The following FAAH2 variants were observed in gnomAD, a reference collection of about 807,000 sequenced individuals.
FAAH2 encodes the protein fatty acid amide hydrolase 2.
FAAH2 carries 60 observed loss-of-function variants against 36.9 expected under a neutral mutation model. The observed-to-expected ratio is 1.63, with a 90% CI of 1.32 to 2.02. The LOEUF (loss-of-function observed/expected upper bound fraction) is 2.02. FAAH2 is among the 30% of genes most tolerant of loss of function. The pLI is 0.00. For missense variants in FAAH2, 689 were observed against 397.5 expected (o/e 1.73, Z -6.23); for synonymous variants, 214 against 143.8 (o/e 1.49, Z -3.49).
chrX:57,448,895 C>T (rs1157306433), intron 10 of FAAH2, among the ~76,000 whole-genome samples, 177 bp downstream of exon 10: 1 of 112,120 alleles, frequency 8.9e-6, no homozygotes, highest in African/African-American at 3.2e-5. Context: ...AGATACTTTG[C>T]CAATATCTGG....
chrX:57,398,926 G>T (rs773131816), intron 7 of FAAH2, among the ~76,000 whole-genome samples: 36 of 111,321 alleles, frequency 3.2e-4, no homozygotes, highest in African/African-American at 1.0e-3. Flanking sequence ...CTGTTGGGGA[G>T]GTTGGCTGAT....
chrX:57,255,342 G>T, the FAAH2 span, among the ~76,000 whole-genome samples: 1 of 111,880 alleles, frequency 8.9e-6, no homozygotes, highest in Admixed American at 9.5e-5. Context: ...AATTCTACCA[G>T]AAGTCCAAAG....
the FAAH2 span, among the ~76,000 whole-genome samples, chrX:57,200,040 C>T: frequency 9.0e-6 from 1 of 111,635 alleles, no homozygotes; most frequent in South Asian, 3.7e-4. Flanking sequence ...GTTATCCCTT[C>T]AGCTAATGTA....
chrX:57,349,132 T>C lies in FAAH2; in HGVS notation c.742+7742T>C, dbSNP rs191677861. ...TATATGTGTATAATATATACACATATATATATTATATACATATATATGTAT... is the reference window on the plus strand; with the variant it reads ...TATATGTGTATAATATATACACATACATATATTATATACATATATATGTAT... On this transcript the variant is annotated intron_variant, in intron 5 of 10. Coordinates refer to ENST00000374900, the MANE Select transcript of FAAH2 (RefSeq NM_174912.4). Among the ~76,000 whole-genome samples the C allele has an allele frequency of 4.0e-3, 359 of 90,312 alleles. 2 individuals carry two copies. Among genetic ancestry groups the C allele is most frequent in the African/African-American group, 0.013 (348 of 26,561 alleles). 78.4% of individuals were successfully genotyped at this position (90,312 alleles called of 115,157 possible).
chrX:57,394,207 A>G (rs1423251660), intron 7 of FAAH2: 3 of 661,317 alleles, frequency 4.5e-6, no homozygotes, highest in Non-Finnish European at 7.6e-6. Context: ...TGGGGCCCTG[A>G]GAAGGCTGTC....
the FAAH2 span, among the ~76,000 whole-genome samples, chrX:57,154,401 C>A: frequency 9.3e-6 from 1 of 106,955 alleles, no homozygotes; most frequent in African/African-American, 3.4e-5. Flanking sequence ...GTAGCTGGGA[C>A]TACAGGCACC....
the FAAH2 span, among the ~76,000 whole-genome samples, chrX:57,173,491 G>A: frequency 8.9e-6 from 1 of 111,890 alleles, no homozygotes; most frequent in Non-Finnish European, 1.9e-5. Flanking sequence ...AGTCTTTAAT[G>A]TCTTCTAGGT....
At chrX:57,434,268 G>A (rs1331511740) in intron 8 of FAAH2, among the ~76,000 whole-genome samples, 2 of 108,302 alleles carry the variant, frequency 1.8e-5, no homozygotes, top group Non-Finnish European at 3.8e-5. Context: ...TAGAGATGGG[G>A]TTTCACCATT....
chrX:57,381,112 A>G (rs2054835500), intron 7 of FAAH2, 83 bp downstream of exon 7: 1 of 685,247 alleles, frequency 1.5e-6, no homozygotes, highest in African/African-American at 2.3e-5. Context: ...TTACTGCCAA[A>G]TATTTCTGTG....
the FAAH2 span, among the ~76,000 whole-genome samples, chrX:57,270,334 T>G: frequency 1.8e-5 from 2 of 111,479 alleles, no homozygotes; most frequent in Admixed American, 1.9e-4. Flanking sequence ...TTTAAAAAAT[T>G]GAGGAGAATG....
intron 10 of FAAH2, among the ~76,000 whole-genome samples, chrX:57,481,216 T>C (rs761460176): frequency 2.8e-4 from 31 of 111,307 alleles, no homozygotes; most frequent in African/African-American, 9.8e-4. Flanking sequence ...AGTTTGTTAT[T>C]ACCTACATAC....
the FAAH2 span, among the ~76,000 whole-genome samples, chrX:57,187,913 G>C: frequency 1.1e-4 from 12 of 111,487 alleles, no homozygotes; most frequent in Non-Finnish European, 1.9e-5. Flanking sequence ...GGATGAAGCC[G>C]ACTTGTTCAT....
chrX:57,361,661 A>G (rs1014416182), intron 5 of FAAH2, among the ~76,000 whole-genome samples: 1 of 111,232 alleles, frequency 9.0e-6, no homozygotes, highest in Non-Finnish European at 1.9e-5. Flanking sequence ...GTGATATTAT[A>G]TATATATTTT....
At chrX:57,249,933 C>A in the FAAH2 span, among the ~76,000 whole-genome samples, 27 of 111,687 alleles carry the variant, frequency 2.4e-4, 1 homozygote, top group Admixed American at 3.8e-4. Flanking sequence ...ATAAATATAA[C>A]CTTGACTGCA....
intron 5 of FAAH2, among the ~76,000 whole-genome samples, chrX:57,374,524 T>C (rs2054623024): frequency 8.9e-6 from 1 of 111,938 alleles, no homozygotes; most frequent in South Asian, 3.7e-4. Flanking sequence ...GTCGCTATTG[T>C]ATAGCAGAGC....
chrX:57,412,108 G>T (rs1466914495), intron 7 of FAAH2, among the ~76,000 whole-genome samples: 2 of 111,570 alleles, frequency 1.8e-5, no homozygotes, highest in African/African-American at 6.5e-5. Context: ...CTTTGTGTTA[G>T]TAATATTCCA....
the FAAH2 span, among the ~76,000 whole-genome samples, chrX:57,230,083 C>A: frequency 1.8e-5 from 2 of 111,827 alleles, no homozygotes. Flanking sequence ...GTCTCATACT[C>A]GCTTACAACA....
intron 7 of FAAH2, among the ~76,000 whole-genome samples, chrX:57,415,358 A>G (rs1218022512): frequency 9.0e-6 from 1 of 111,609 alleles, no homozygotes. Flanking sequence ...TCCTTTGGGC[A>G]TTTAGTGCTA....
intron 7 of FAAH2, chrX:57,393,518 G>A (rs1306953742): frequency 1.0e-5 from 10 of 961,353 alleles, no homozygotes; most frequent in Middle Eastern, 2.6e-4. Flanking sequence ...ATTGCCGTGT[G>A]CGATGATGGC....
Sources: gnomAD v4.1 joint callset for allele counts (sites outside exome capture counted in the v4.1 genomes callset) on GRCh38, gnomAD v4.1.1 for gene constraint, MANE v1.5 for transcripts, NCBI Gene and HGNC (gene_info 2026-07-23, HGNC 2026-07-21) for gene names.